Variants in TASP1 observed in about 807,000 individuals in gnomAD.
TASP1 encodes taspase 1.
Under a neutral mutation model 56.6 loss-of-function variants are expected in TASP1, and 16 were observed. The ratio of observed to expected loss-of-function variants is 0.28; its 90% CI spans 0.19 to 0.43. The LOEUF is 0.43. Among genes scored for constraint, TASP1 ranks in the 20% least tolerant of loss-of-function variants. TASP1 has a pLI of 1.00. For missense variants in TASP1, 393 were observed against 511.6 expected (o/e 0.77, Z 2.24); for synonymous variants, 179 against 184.2 (o/e 0.97, Z 0.23).
chr20:13,469,546 A>G (rs78603729), intron 11 of TASP1, among the ~76,000 whole-genome samples: 8,141 of 152,020 alleles, frequency 0.054, 321 homozygotes, highest in African/African-American at 0.11. Flanking sequence ...TCTTTTTCCT[A>G]TTTGTAAGAA....
intron 4 of TASP1, among the ~76,000 whole-genome samples, chr20:13,605,879 A>C (rs1335101336): frequency 6.6e-6 from 1 of 152,066 alleles, no homozygotes; most frequent in Admixed American, 6.5e-5. Flanking sequence ...CACTTAGAAT[A>C]AAATCCAAAG....
intron 7 of TASP1, among the ~76,000 whole-genome samples, chr20:13,563,941 A>C (rs755166578): frequency 1.3e-5 from 2 of 152,220 alleles, no homozygotes; most frequent in African/African-American, 2.4e-5. Context: ...CTAACATCAT[A>C]TCTATGGTGA....
intron 13 of TASP1, among the ~76,000 whole-genome samples, chr20:13,399,160 T>A (rs1274446540): frequency 6.6e-6 from 1 of 152,204 alleles, no homozygotes; most frequent in Non-Finnish European, 1.5e-5. Context: ...CTGACCTCTA[T>A]GATTATAACT....
chr20:13,548,693 A>G (rs2045886243), intron 8 of TASP1, among the ~76,000 whole-genome samples: 1 of 152,116 alleles, frequency 6.6e-6, no homozygotes, highest in Admixed American at 6.6e-5. Context: ...GGAAAACTAA[A>G]TGAGTGATGC....
chr20:13,550,569 G>A (rs2045950667), intron 8 of TASP1, among the ~76,000 whole-genome samples: 1 of 151,986 alleles, frequency 6.6e-6, no homozygotes, highest in Non-Finnish European at 1.5e-5. Context: ...ATCTCTTTAT[G>A]TAAAAGATAA....
intron 4 of TASP1, among the ~76,000 whole-genome samples, chr20:13,592,753 G>T (rs2047580800): frequency 6.7e-6 from 1 of 150,282 alleles, no homozygotes. Flanking sequence ...GTATACTTTG[G>T]ATATGACATG....
At chr20:13,632,869 A>G (rs1320580676) in intron 1 of TASP1, among the ~76,000 whole-genome samples, 1 of 152,244 alleles carries the variant, frequency 6.6e-6, no homozygotes, top group Non-Finnish European at 1.5e-5. Flanking sequence ...GACAAATCTC[A>G]GTTTGCAGAA....
At chr20:13,441,986 C>T (rs2043228403) in intron 11 of TASP1, among the ~76,000 whole-genome samples, 1 of 152,084 alleles carries the variant, frequency 6.6e-6, no homozygotes, top group Admixed American at 6.5e-5. Flanking sequence ...AGAATGATGC[C>T]CAAATTCCTT....
the TASP1 span, among the ~76,000 whole-genome samples, chr20:13,196,188 C>T: frequency 4.6e-5 from 7 of 152,174 alleles, no homozygotes; most frequent in African/African-American, 1.7e-4. Context: ...AGCTATTAAA[C>T]TGACCATTTC....
At chr20:13,312,393 G>A in the TASP1 span, among the ~76,000 whole-genome samples, 10 of 152,168 alleles carry the variant, frequency 6.6e-5, no homozygotes, top group East Asian at 1.9e-4. Flanking sequence ...AGGTAATGAA[G>A]CCACTCCTAC....
At chr20:13,352,984 C>A in the TASP1 span, among the ~76,000 whole-genome samples, 1 of 152,046 alleles carries the variant, frequency 6.6e-6, no homozygotes, top group African/African-American at 2.4e-5. Flanking sequence ...CATCTGTAAT[C>A]CCAGTGCTTT....
At chr20:13,121,975 T>A in the TASP1 span, among the ~76,000 whole-genome samples, 3 of 152,230 alleles carry the variant, frequency 2.0e-5, no homozygotes, top group Non-Finnish European at 4.4e-5. Context: ...AGAGCCCTTT[T>A]CAAGATCAAA....
chr20:13,573,600 G>A (rs2046793570), intron 6 of TASP1, among the ~76,000 whole-genome samples: 1 of 152,150 alleles, frequency 6.6e-6, no homozygotes, highest in African/African-American at 2.4e-5. Flanking sequence ...TTATTTACAT[G>A]TGATCCAAAT....
chr20:13,638,867 G>A (rs1417444641), intron 1 of TASP1, 27 bp downstream of exon 1: 1 of 152,770 alleles, frequency 6.5e-6, no homozygotes, highest in Non-Finnish European at 1.5e-5. Context: ...CAGCGGCGCG[G>A]ACAGCGTGGG....
At chr20:13,594,273 A>AT (rs1424222433) in intron 4 of TASP1, among the ~76,000 whole-genome samples, 4 of 152,258 alleles carry the variant, frequency 2.6e-5, no homozygotes, top group Non-Finnish European at 5.9e-5. Flanking sequence ...GATGAGGAGA[A>AT]ACCAGAGCAG....
chr20:13,480,085 G>T (rs756698976), intron 11 of TASP1, among the ~76,000 whole-genome samples: 1 of 152,144 alleles, frequency 6.6e-6, no homozygotes, highest in Non-Finnish European at 1.5e-5. Flanking sequence ...AGTAGTTCCT[G>T]AAAATTTTCC....
At chr20:13,299,201 G>C in the TASP1 span, 1 of 1,603,200 alleles carries the variant, frequency 6.2e-7, no homozygotes, top group South Asian at 1.1e-5. The surrounding 1 kb of genome is among the most constrained non-coding windows in gnomAD (Gnocchi z 5.8). Context: ...AGAGCACCAC[G>C]CTGGCGGCAC....
chr20:13,375,481 C>A, the TASP1 span, among the ~76,000 whole-genome samples: 1 of 152,120 alleles, frequency 6.6e-6, no homozygotes, highest in East Asian at 1.9e-4. Context: ...TCCAGTCTAT[C>A]ATTGATGGGC....
the TASP1 span, among the ~76,000 whole-genome samples, chr20:13,285,928 T>C: frequency 1.3e-5 from 2 of 152,086 alleles, no homozygotes; most frequent in African/African-American, 4.8e-5. Flanking sequence ...CCAGGCTGCA[T>C]GAGATTTCTG....
Sources: gnomAD v4.1 joint callset for allele counts (sites outside exome capture counted in the v4.1 genomes callset) on GRCh38, gnomAD v4.1.1 for gene constraint, Gnocchi (gnomAD v3.1) non-coding constraint, MANE v1.5 for transcripts, NCBI Gene and HGNC (gene_info 2026-07-23, HGNC 2026-07-21) for gene names.